KCND3: variants seen among roughly 807,000 people sequenced by gnomAD.
KCND3 encodes the protein potassium voltage-gated channel subfamily D member 3.
A neutral mutation model predicts 51.1 loss-of-function variants in KCND3; 9 were observed. That is an observed-to-expected ratio of 0.18 (90% CI 0.11 to 0.31). The LOEUF is 0.31. Ranked by LOEUF, KCND3 falls within the 10% of genes least tolerant of loss-of-function variation. The probability of loss-of-function intolerance (pLI) is 1.00; values close to 1 mark genes in which losing one functional copy is unlikely to be tolerated. For missense variants in KCND3, 526 were observed against 903.8 expected, an observed-to-expected ratio of 0.58 and a Z score of 5.36; for synonymous variants, 349 against 368.0, an observed-to-expected ratio of 0.95 and a Z score of 0.59.
At chr1:111,869,381 G>C (rs1668734794) in intron 2 of KCND3, among the ~76,000 whole-genome samples, 1 of 152,144 alleles carries the variant, frequency 6.6e-6, no homozygotes, top group Admixed American at 6.5e-5. Flanking sequence ...CCATCAGCCT[G>C]AGCTCTTTCT....
At chr1:111,929,345 G>A (rs12096686) in intron 2 of KCND3, among the ~76,000 whole-genome samples, 9,296 of 152,186 alleles carry the variant, frequency 0.061, 328 homozygotes, top group African/African-American at 0.088. Context: ...CCAGCCTCCC[G>A]CTTCCCCAGC....
At chr1:111,791,417 C>T (rs1387991163) in intron 2 of KCND3, among the ~76,000 whole-genome samples, 9 of 152,278 alleles carry the variant, frequency 5.9e-5, no homozygotes, top group South Asian at 2.1e-4. Context: ...TGGGGAAAAG[C>T]GGGATTGCAG....
chr1:111,859,698 T>G (rs930789150), intron 2 of KCND3, among the ~76,000 whole-genome samples: 1 of 152,168 alleles, frequency 6.6e-6, no homozygotes, highest in Non-Finnish European at 1.5e-5. Context: ...AATGGAGAGA[T>G]GGATGATCCT....
At chr1:111,806,893 G>T (rs1183189471) in intron 2 of KCND3, among the ~76,000 whole-genome samples, 5 of 152,182 alleles carry the variant, frequency 3.3e-5, no homozygotes, top group Non-Finnish European at 2.9e-5. Flanking sequence ...ACTCAAAGTT[G>T]GGGTCCTGAA....
intron 2 of KCND3, among the ~76,000 whole-genome samples, chr1:111,852,213 C>T (rs1667849518): frequency 6.6e-6 from 1 of 152,206 alleles, no homozygotes; most frequent in Non-Finnish European, 1.5e-5. Flanking sequence ...TCTGAGTGGT[C>T]AGTGGTTGTC....
At chr1:111,790,609 A>G (rs1028691633) in intron 2 of KCND3, among the ~76,000 whole-genome samples, 2 of 152,200 alleles carry the variant, frequency 1.3e-5, no homozygotes, top group Admixed American at 6.5e-5. Context: ...AACCATTTAA[A>G]TTATGCATTT....
chr1:111,920,376 C>A (rs115924562), intron 2 of KCND3, among the ~76,000 whole-genome samples: 2 of 152,364 alleles, frequency 1.3e-5, no homozygotes, highest in Admixed American at 1.3e-4. Context: ...TGAAGAAACA[C>A]AGTCAACAGA....
At chr1:111,859,035 T>A (rs1668218304) in intron 2 of KCND3, among the ~76,000 whole-genome samples, 2 of 152,186 alleles carry the variant, frequency 1.3e-5, no homozygotes, top group Admixed American at 1.3e-4. Context: ...TCCCTCCTAC[T>A]CATGTCCAGT....
At chr1:111,902,948 T>A (rs1374963094) in intron 2 of KCND3, among the ~76,000 whole-genome samples, 2 of 152,212 alleles carry the variant, frequency 1.3e-5, no homozygotes, top group Non-Finnish European at 2.9e-5. Context: ...AAGATCCGTA[T>A]TTACATATAT....
intron 2 of KCND3, among the ~76,000 whole-genome samples, chr1:111,893,156 C>T (rs1669927360): frequency 1.3e-5 from 2 of 152,174 alleles, no homozygotes; most frequent in Non-Finnish European, 2.9e-5. Flanking sequence ...GGGAGATAGA[C>T]AGGTAAACAA....
At chr1:111,908,846 G>A (rs2101808826) in intron 2 of KCND3, among the ~76,000 whole-genome samples, 1 of 151,914 alleles carries the variant, frequency 6.6e-6, no homozygotes, top group African/African-American at 2.4e-5. Context: ...GGGAGAAGGA[G>A]GGGGGCAGAC....
rs139435035 is a variant in KCND3, at chr1:111,963,234, T to C, written c.1106+18387A>G. ...ATTTAAGCCACTAGATTTTCAGGGG[T>C]AGATTGTTATACAGTAAAAGCTAAC... On this transcript the variant is annotated intron_variant, in intron 2 of 7. Transcript: ENST00000302127. 5.3e-4 allele frequency among the ~76,000 whole-genome samples: 80 copies of C among 152,126 alleles called. No homozygotes were observed. The East Asian group carries it at 0.014, about 26-fold the overall frequency.
chr1:111,982,558 T>A lies in KCND3; in HGVS notation c.169A>T (p.Thr57Ser). ...AGGGTGTCCGGGTAGCGCTCCAGCG[T>A]GGTCCTCCAGGTCTGGAACCTCCGC... ...SGRRFQTWRTTLERYPDTLLG... is the reference protein window; with the variant it reads ...SGRRFQTWRTSLERYPDTLLG... Residue 57 changes from threonine to serine, a missense_variant, in exon 2 of 8, where the codon ACG (threonine) becomes TCG (serine). Physicochemically the swap from Thr to Ser is moderately conservative, Grantham distance 58. Transcript: ENST00000302127. The surrounding 1 kb of genome is among the most constrained non-coding windows in gnomAD (Gnocchi z 8.5). 6.2e-7 allele frequency: 1 copy of A among 1,611,138 alleles called. No individual in the cohort carries two copies. Among genetic ancestry groups the A allele is most frequent in the Non-Finnish European group, 8.5e-7 (1 of 1,177,672 alleles).
At chr1:111,831,820 T>C (rs1239685922) in intron 2 of KCND3, among the ~76,000 whole-genome samples, 1 of 152,184 alleles carries the variant, frequency 6.6e-6, no homozygotes, top group Non-Finnish European at 1.5e-5. Context: ...GATTCAGAGA[T>C]ACATATTTTT....
At chr1:111,974,778 C>T (rs1004188269) in intron 2 of KCND3, among the ~76,000 whole-genome samples, 1 of 152,102 alleles carries the variant, frequency 6.6e-6, no homozygotes, top group Non-Finnish European at 1.5e-5. Flanking sequence ...AGAGGGAAAC[C>T]CAAACAAAAC....
intron 2 of KCND3, among the ~76,000 whole-genome samples, chr1:111,812,704 T>C (rs1370822489): frequency 1.3e-5 from 2 of 152,136 alleles, no homozygotes; most frequent in Non-Finnish European, 2.9e-5. Flanking sequence ...TCATAAACAG[T>C]AGAAGTGGGC....
chr1:111,839,370 A>T (rs976256139), intron 2 of KCND3, among the ~76,000 whole-genome samples: 6 of 152,246 alleles, frequency 3.9e-5, no homozygotes, highest in Non-Finnish European at 7.3e-5. Context: ...CCAGAGGCCC[A>T]GTTCTCCACA....
In KCND3 at chr1:111,776,179, C is replaced by G; in HGVS notation, c.1866G>C (p.Ala622=). ...GCCGACTTTCCCCCTCTGGGGTTAG[C>G]GCTGGGGGAGTGGGGATGCTGATGA... ...TAIISIPTPP[A]LTPEGESRPP... Residue 622 remains alanine, a synonymous_variant, in exon 8 of 8, where the codon GCG becomes GCC. Coordinates refer to ENST00000302127, the MANE Select transcript of KCND3 (RefSeq NM_001378969.1). The G allele has an allele frequency of 6.2e-7, 1 of 1,614,114 alleles. No individual in the cohort carries two copies. Among genetic ancestry groups the G allele is most frequent in the Non-Finnish European group, 8.5e-7 (1 of 1,180,028 alleles).
In KCND3 at chr1:111,777,157, G is replaced by A; in HGVS notation, c.1635C>T (p.Thr545=). ...TCTTCTTACTACGACGGGAGCAGCAGGTGGTAGTGAGGCCTGGGTGGCTGG... is the reference window on the plus strand; with the variant it reads ...TCTTCTTACTACGACGGGAGCAGCAAGTGGTAGTGAGGCCTGGGTGGCTGG... The part of the protein sequence containing the change: ...SLSSHPGLTT[T]CCSRRSKKTT... The change falls in exon 7 of 8, where the codon ACC becomes ACT. Residue 545 remains threonine, a synonymous_variant. Transcript: ENST00000302127. 1 of 1,614,218 alleles carries A rather than the reference G, an allele frequency of 6.2e-7. No individual in the cohort carries two copies. The highest frequency in any genetic ancestry group is 1.1e-5 in the South Asian group (1 of 91,082).
Sources: gnomAD v4.1 joint callset for allele counts (sites outside exome capture counted in the v4.1 genomes callset) on GRCh38, gnomAD v4.1.1 for gene constraint, Gnocchi (gnomAD v3.1) non-coding constraint, MANE v1.5 for transcripts, NCBI Gene and HGNC (gene_info 2026-07-23, HGNC 2026-07-21) for gene names.